NFIA: variants seen among roughly 807,000 people sequenced by gnomAD.
The protein encoded by NFIA is nuclear factor 1 A-type.
A neutral mutation model predicts 62.8 loss-of-function variants in NFIA; 8 were observed. That is an observed-to-expected ratio of 0.13 (90% CI 0.07 to 0.23). The LOEUF (loss-of-function observed/expected upper bound fraction) is 0.23, where lower values mean the gene tolerates loss of function less well. Among genes scored for constraint, NFIA ranks in the 10% least tolerant of loss-of-function variants. The pLI is 1.00. For missense variants in NFIA, 410 were observed against 642.1 expected (o/e 0.64, Z 3.91); for synonymous variants, 235 against 238.1 (o/e 0.99, Z 0.12).
Position 61,090,023 on chromosome 1 carries a change from AAGAATT to A in NFIA, c.559+1344_559+1349del, listed in dbSNP as rs1557557496. 3.9e-5 allele frequency among the ~76,000 whole-genome samples: 6 copies of A among 152,272 alleles called. 1 individual carries two copies. In the South Asian group the frequency reaches 1.2e-3, roughly 32 times the overall value. ...TTTTCAAAAATGTATACTTAATTAT[AAGAATT>A]GCCTTTTGCTTTAGCCAATTCTGGG... On this transcript the variant is annotated intron_variant, in intron 2 of 10. Coordinates refer to ENST00000403491, the MANE Select transcript of NFIA (RefSeq NM_001134673.4).
intron 2 of NFIA, among the ~76,000 whole-genome samples, chr1:61,150,851 A>G (rs1648351501): frequency 6.6e-6 from 1 of 152,094 alleles, no homozygotes; most frequent in African/African-American, 2.4e-5. Context: ...CAAAGACCAT[A>G]TTAGTAAGAA....
chr1:61,172,693 C>G (rs184516851), intron 2 of NFIA, among the ~76,000 whole-genome samples: 142 of 152,312 alleles, frequency 9.3e-4, no homozygotes, highest in African/African-American at 3.4e-3. Context: ...ATTCCCTTAC[C>G]TGTCCTCAGC....
rs1239753321 is a variant in NFIA, at chr1:61,457,711, G to C, written c.*2391G>C. ...GGTGTTTGTCTTTGTACTTTTTTGT[G>C]ATTTTTGAATGCACGTGCGCAGGAA... On this transcript the variant is annotated 3_prime_UTR_variant, in exon 11 of 11. Coordinates refer to ENST00000403491, the MANE Select transcript of NFIA (RefSeq NM_001134673.4). The surrounding 1 kb of genome is among the most constrained non-coding windows in gnomAD (Gnocchi z 4.2). 6.6e-6 allele frequency: 1 copy of C among 151,320 alleles called. No homozygotes were observed. The highest frequency in any genetic ancestry group is 1.9e-4 in the East Asian group (1 of 5,172). The allele number at this position is 151,320 out of a possible 1,614,324, so 9.4% of individuals were successfully genotyped here.
At chr1:61,246,992 G>C (rs1466320230) in intron 2 of NFIA, among the ~76,000 whole-genome samples, 1 of 152,176 alleles carries the variant, frequency 6.6e-6, no homozygotes, top group African/African-American at 2.4e-5. Flanking sequence ...AGCTCTGTCA[G>C]TCTCTTAACC....
intron 6 of NFIA, among the ~76,000 whole-genome samples, chr1:61,365,331 G>C (rs1000851716): frequency 2.0e-5 from 3 of 152,114 alleles, no homozygotes; most frequent in African/African-American, 7.2e-5. Flanking sequence ...CTTTAGGTGG[G>C]TTCTCCCTAC....
At chr1:61,114,702 T>G (rs886585314) in intron 2 of NFIA, among the ~76,000 whole-genome samples, 1 of 152,178 alleles carries the variant, frequency 6.6e-6, no homozygotes, top group East Asian at 1.9e-4. Context: ...TTCTTATCTT[T>G]TAATGGTTTA....
upstream of NFIA, chr1:61,077,461 C>G (rs1390720005): frequency 1.1e-5 from 6 of 527,366 alleles, 1 homozygote; most frequent in South Asian, 4.6e-4. Flanking sequence ...AAAAAATTCT[C>G]CAAGAAGCCT....
chr1:61,132,669 G>A, intron 2 of NFIA: 1 of 152,210 alleles, frequency 6.6e-6, no homozygotes. Flanking sequence ...AAGAACCAAA[G>A]AAACTAAAAT....
chr1:61,358,347 A>G (rs1663074873), intron 5 of NFIA, among the ~76,000 whole-genome samples: 2 of 144,544 alleles, frequency 1.4e-5, no homozygotes, highest in Admixed American at 1.4e-4. Context: ...AAAGCAATCC[A>G]AACTTTTCAT....
At chr1:61,440,844 A>G (rs7551539) in intron 10 of NFIA, among the ~76,000 whole-genome samples, 34,655 of 152,078 alleles carry the variant, frequency 0.23, 4,153 homozygotes, top group East Asian at 0.38. Flanking sequence ...CCATTTTCAA[A>G]TCCATTTTAA....
chr1:61,098,291 A>G (rs941824257), intron 2 of NFIA, among the ~76,000 whole-genome samples: 10 of 152,244 alleles, frequency 6.6e-5, no homozygotes, highest in African/African-American at 1.4e-4. Context: ...ACTAACGATA[A>G]GTGGGTTACC....
chr1:61,311,653 G>T (rs1042833966), intron 3 of NFIA, among the ~76,000 whole-genome samples: 1 of 152,024 alleles, frequency 6.6e-6, no homozygotes, highest in African/African-American at 2.4e-5. Context: ...TGTCACCTGG[G>T]GGCAAATCAC....
intron 2 of NFIA, among the ~76,000 whole-genome samples, chr1:61,272,466 A>G (rs999583811): frequency 6.6e-6 from 1 of 152,228 alleles, no homozygotes; most frequent in African/African-American, 2.4e-5. Context: ...CGTTAATGTA[A>G]TAAACTTATG....
chr1:61,218,660 A>G (rs960328735), intron 2 of NFIA, among the ~76,000 whole-genome samples: 4 of 152,226 alleles, frequency 2.6e-5, no homozygotes, highest in Non-Finnish European at 4.4e-5. Context: ...AATCCTTTAA[A>G]AAATAATGCT....
intron 2 of NFIA, among the ~76,000 whole-genome samples, chr1:61,102,967 T>C (rs978510648): frequency 6.6e-6 from 1 of 152,242 alleles, no homozygotes; most frequent in African/African-American, 2.4e-5. Flanking sequence ...TGGAATGACC[T>C]GTGCATCTGA....
intron 3 of NFIA, among the ~76,000 whole-genome samples, chr1:61,319,835 A>ACACACACACACACC (rs1254829829): frequency 2.1e-5 from 3 of 140,964 alleles, no homozygotes; most frequent in African/African-American, 7.8e-5. Context: ...ACACACACAC[A>ACACACACACACACC]CCAACTTTCA....
At chr1:61,213,005 T>C (rs1286894979) in intron 2 of NFIA, among the ~76,000 whole-genome samples, 1 of 152,250 alleles carries the variant, frequency 6.6e-6, no homozygotes, top group Non-Finnish European at 1.5e-5. Context: ...TCCTCTTGAC[T>C]GTTCCACTGC....
At chr1:61,433,218 G>A (rs1307596938) in intron 10 of NFIA, among the ~76,000 whole-genome samples, 4 of 152,110 alleles carry the variant, frequency 2.6e-5, no homozygotes, top group Non-Finnish European at 5.9e-5. Context: ...GATCTGCCCC[G>A]GTCTCCTGTT....
At chr1:61,103,843 C>T (rs910026037) in intron 2 of NFIA, among the ~76,000 whole-genome samples, 19 of 152,194 alleles carry the variant, frequency 1.2e-4, no homozygotes, top group African/African-American at 4.3e-4. Context: ...TTCATATTAA[C>T]CCAAAGGAAT....
Sources: gnomAD v4.1 joint callset for allele counts (sites outside exome capture counted in the v4.1 genomes callset) on GRCh38, gnomAD v4.1.1 for gene constraint, Gnocchi (gnomAD v3.1) non-coding constraint, MANE v1.5 for transcripts, NCBI Gene and HGNC (gene_info 2026-07-23, HGNC 2026-07-21) for gene names.